Variants in GLCCI1 observed in about 807,000 individuals in gnomAD.
The protein encoded by GLCCI1 is glucocorticoid induced 1.
Under a neutral mutation model 52.2 loss-of-function variants are expected in GLCCI1, and 24 were observed. That is an observed-to-expected ratio of 0.46 (90% confidence interval 0.33 to 0.65). The LOEUF is 0.65. Among genes scored for constraint, GLCCI1 ranks in the 30% least tolerant of loss-of-function variants. The pLI is 0.02. For missense variants in GLCCI1, 704 were observed against 701.5 expected, an observed-to-expected ratio of 1.00 and a Z score of -0.04; for synonymous variants, 310 against 276.5, an observed-to-expected ratio of 1.12 and a Z score of -1.20.
chr7:8,017,606 T>A lies in GLCCI1; in HGVS notation c.610-4877T>A, dbSNP rs1781405528. Among the ~76,000 whole-genome samples, 8 of 152,264 alleles carry A rather than the reference T, an allele frequency of 5.3e-5. No homozygotes were observed. The South Asian group carries it at 1.7e-3, about 32-fold the overall frequency. ...GCACTTTGAAACTGGTCTAACATAA[T>A]GAGCACAAAACTTAGCATAGAGTTG... On this transcript the variant is annotated intron_variant, in intron 2 of 7. Transcript: ENST00000223145.
intron 6 of GLCCI1, among the ~76,000 whole-genome samples, chr7:8,082,804 A>G (rs1207345628): frequency 6.6e-6 from 1 of 152,234 alleles, no homozygotes; most frequent in Non-Finnish European, 1.5e-5. Flanking sequence ...CAGGAAGATA[A>G]TCAGTTTTGC....
intron 4 of GLCCI1, among the ~76,000 whole-genome samples, chr7:8,056,996 A>G (rs1339584897): frequency 2.0e-5 from 3 of 152,218 alleles, no homozygotes; most frequent in African/African-American, 7.2e-5. Context: ...TGAATTAACT[A>G]GACTATTAAA....
chr7:7,979,260 G>T (rs893488789), intron 1 of GLCCI1, among the ~76,000 whole-genome samples: 1 of 152,106 alleles, frequency 6.6e-6, no homozygotes, highest in African/African-American at 2.4e-5. Flanking sequence ...ACATGCCAGA[G>T]TGACCTCTTA....
intron 1 of GLCCI1, among the ~76,000 whole-genome samples, chr7:7,972,974 A>G (rs958281374): frequency 6.6e-6 from 1 of 151,594 alleles, no homozygotes; most frequent in African/African-American, 2.4e-5. Flanking sequence ...TTTCTTTTGT[A>G]TTTTTAAAAC....
chr7:8,015,521 T>G (rs1035986212), intron 2 of GLCCI1, among the ~76,000 whole-genome samples: 1 of 152,212 alleles, frequency 6.6e-6, no homozygotes, highest in Non-Finnish European at 1.5e-5. Flanking sequence ...TTTATGGAGC[T>G]GGCCCCTGAC....
intron 1 of GLCCI1, among the ~76,000 whole-genome samples, chr7:7,992,097 T>TTCTTTCTGTCTG: frequency 8.2e-6 from 1 of 121,282 alleles, no homozygotes; most frequent in East Asian, 2.4e-4. Context: ...CTTTCTTTCT[T>TTCTTTCTGTCTG]TCTGTCTGTT....
At position 8,086,617 on chromosome 7, in the gene GLCCI1, T is replaced by C; in HGVS notation, c.*79T>C. On this transcript the variant is annotated 3_prime_UTR_variant, in exon 8 of 8. Transcript: ENST00000223145. The surrounding 1 kb of genome is among the most constrained non-coding windows in gnomAD (Gnocchi z 4.4). ...AGACATCTGCATGAGTGACAAACTT[T>C]CTGAACACCACCACCACCAATAATA... 2 of 1,061,992 alleles carry C rather than the reference T, an allele frequency of 1.9e-6. No individual in the cohort carries two copies. Among genetic ancestry groups the C allele is most frequent in the South Asian group, 3.1e-5 (2 of 65,286 alleles). 65.8% of individuals were successfully genotyped at this position (1,061,992 alleles called of 1,614,324 possible).
intron 1 of GLCCI1, among the ~76,000 whole-genome samples, chr7:7,994,363 A>G (rs572649681): frequency 6.6e-6 from 1 of 152,370 alleles, no homozygotes; most frequent in South Asian, 2.1e-4. Context: ...AATTTAACTT[A>G]CATATTAGAG....
intron 6 of GLCCI1, among the ~76,000 whole-genome samples, chr7:8,078,208 TAAAAAAA>T (rs5882151): frequency 1.2e-5 from 1 of 86,236 alleles, no homozygotes; most frequent in Admixed American, 1.4e-4. Context: ...GACTCCGTCT[TAAAAAAA>T]AAAAAAAAAA....
intron 1 of GLCCI1, among the ~76,000 whole-genome samples, chr7:7,995,909 TA>T (rs1016808866): frequency 3.4e-4 from 52 of 151,220 alleles, no homozygotes; most frequent in African/African-American, 1.2e-3. Flanking sequence ...ATAAAAAAAA[TA>T]AAATAAATTT....
chr7:7,999,478 C>T (rs1003069768), intron 1 of GLCCI1, among the ~76,000 whole-genome samples: 1 of 151,970 alleles, frequency 6.6e-6, no homozygotes, highest in Non-Finnish European at 1.5e-5. Flanking sequence ...TGTGGTGGTG[C>T]ACACCTATAG....
chr7:8,032,340 C>T (rs2348774), intron 3 of GLCCI1, among the ~76,000 whole-genome samples: 63,041 of 151,650 alleles, frequency 0.42, 13,371 homozygotes, highest in Middle Eastern at 0.52. Context: ...ACATAAGTTT[C>T]CATCTTAAGA....
rs1183183485 is a variant in GLCCI1, at chr7:8,088,587, G to C, written c.*2049G>C. 4 of 152,580 alleles carry C rather than the reference G, an allele frequency of 2.6e-5. No homozygotes were observed. The highest frequency in any genetic ancestry group is 5.9e-5 in the Non-Finnish European group (4 of 68,022). The allele number at this position is 152,580 out of a possible 1,614,324, so 9.5% of individuals were successfully genotyped here. Reference sequence around the variant, plus strand: ...TAAATATGAGCTCCATTTGACTTCTGATGTCTGGTTTAGCATTACATAATA... The same window carrying C: ...TAAATATGAGCTCCATTTGACTTCTCATGTCTGGTTTAGCATTACATAATA... On this transcript the variant is annotated 3_prime_UTR_variant, in exon 8 of 8. Coordinates refer to ENST00000223145, the MANE Select transcript of GLCCI1 (RefSeq NM_138426.4).
intron 5 of GLCCI1, among the ~76,000 whole-genome samples, chr7:8,061,618 C>A (rs988684050): frequency 1.4e-5 from 2 of 144,798 alleles, no homozygotes; most frequent in African/African-American, 5.1e-5. Flanking sequence ...CATCAAGGAA[C>A]TCTTTGGACA....
At chr7:8,028,417 TA>T (rs1428667574) in intron 3 of GLCCI1, among the ~76,000 whole-genome samples, 1 of 152,060 alleles carries the variant, frequency 6.6e-6, no homozygotes, top group African/African-American at 2.4e-5. Flanking sequence ...AAACAAATGA[TA>T]ATGGAAGCAC....
At chr7:7,977,598 C>T (rs976387727) in intron 1 of GLCCI1, among the ~76,000 whole-genome samples, 16 of 152,050 alleles carry the variant, frequency 1.1e-4, no homozygotes, top group African/African-American at 3.9e-4. Flanking sequence ...TTATGACAAG[C>T]CACTAACTCT....
intron 2 of GLCCI1, among the ~76,000 whole-genome samples, chr7:8,010,563 C>T (rs907777104): frequency 2.0e-5 from 3 of 151,968 alleles, no homozygotes; most frequent in African/African-American, 7.3e-5. Context: ...TTTAATTCAG[C>T]TAAATTAAAA....
At chr7:7,993,207 A>T (rs1390494150) in intron 1 of GLCCI1, among the ~76,000 whole-genome samples, 1 of 151,792 alleles carries the variant, frequency 6.6e-6, no homozygotes, top group Non-Finnish European at 1.5e-5. Flanking sequence ...TGTACTTTTA[A>T]ATAGGGTGGA....
intron 2 of GLCCI1, 122 bp downstream of exon 2, chr7:8,004,181 G>T: frequency 1.1e-6 from 1 of 879,826 alleles, no homozygotes. Flanking sequence ...AAGGAAGAAA[G>T]GAAAAATCCA....
Sources: gnomAD v4.1 joint callset for allele counts (sites outside exome capture counted in the v4.1 genomes callset) on GRCh38, gnomAD v4.1.1 for gene constraint, Gnocchi (gnomAD v3.1) non-coding constraint, MANE v1.5 for transcripts, NCBI Gene and HGNC (gene_info 2026-07-23, HGNC 2026-07-21) for gene names.